Variants in LLGL2 observed in about 807,000 individuals in gnomAD.
The protein encoded by LLGL2 is LLGL2, scribble cell polarity complex component.
A neutral mutation model predicts 123.2 loss-of-function variants in LLGL2; 81 were observed. That is an observed-to-expected ratio of 0.66 (90% CI 0.55 to 0.79). LLGL2 has a LOEUF of 0.79. LLGL2 is among the 30% of genes least tolerant of loss of function. The probability of loss-of-function intolerance (pLI) is 0.00; values close to 1 mark genes in which losing one functional copy is unlikely to be tolerated. For synonymous variants in LLGL2, 577 were observed against 594.1 expected (o/e 0.97, Z 0.42); for missense variants, 1,273 against 1,414.6 (o/e 0.90, Z 1.61).
Position 75,575,024 on chromosome 17 carries a change from C to G in LLGL2, c.*146C>G. The G allele has an allele frequency of 8.6e-7, 1 of 1,159,908 alleles. No individual in the cohort carries two copies. The highest frequency in any genetic ancestry group is 2.4e-5 in the East Asian group (1 of 42,510). The allele number at this position is 1,159,908 out of a possible 1,614,324, so 71.9% of individuals were successfully genotyped here. Reference sequence around the variant, plus strand: ...CTTCCACAATGCAGCTGCTCTGGGCCTCGGGAGAGGAGAGACCCCAGTCCC... The same window carrying G: ...CTTCCACAATGCAGCTGCTCTGGGCGTCGGGAGAGGAGAGACCCCAGTCCC... On this transcript the variant is annotated 3_prime_UTR_variant, in exon 26 of 26. Transcript: ENST00000392550.
intron 1 of LLGL2, among the ~76,000 whole-genome samples, chr17:75,533,287 CCG>C (rs1478974068): frequency 2.7e-5 from 4 of 146,590 alleles, no homozygotes; most frequent in African/African-American, 5.1e-5. Context: ...GCGTGAGCCA[CCG>C]CACCTGGCCC....
intron 21 of LLGL2, 59 bp downstream of exon 21, chr17:75,573,690 G>A (rs893635048): frequency 1.4e-6 from 2 of 1,426,012 alleles, no homozygotes; most frequent in African/African-American, 2.0e-5. Flanking sequence ...CCCTCTCTGA[G>A]ATACCGAGGC....
upstream of LLGL2, among the ~76,000 whole-genome samples, chr17:75,525,519 G>C (rs936000381): frequency 2.0e-5 from 3 of 151,254 alleles, no homozygotes; most frequent in Admixed American, 1.3e-4. The surrounding 1 kb of genome is among the most constrained non-coding windows in gnomAD (Gnocchi z 4.8). Context: ...CCCCGAGGCC[G>C]TTCGCGAGGC....
chr17:75,539,849 T>G (rs1212508290), intron 1 of LLGL2, among the ~76,000 whole-genome samples: 2 of 152,122 alleles, frequency 1.3e-5, no homozygotes, highest in Non-Finnish European at 2.9e-5. Context: ...CCTCAAGTGA[T>G]CCACCCGCCT....
Position 75,558,237 on chromosome 17 carries a change from G to T in LLGL2, c.255+1G>T, listed in dbSNP as rs1478760399. On this transcript the variant is annotated splice_donor_variant, in intron 4 of 25. Transcript: ENST00000392550. LOFTEE classifies it high-confidence loss of function. This position sits in a 1 kb window ranked among gnomAD's most constrained non-coding sequence, Gnocchi z 4.0. Reference sequence around the variant, plus strand: ...GCAGATCCACCTCCTGCCCGGCCAGGTGAGGGACCTGGGGTGGGACAGGAA... The same window carrying T: ...GCAGATCCACCTCCTGCCCGGCCAGTTGAGGGACCTGGGGTGGGACAGGAA... 1.2e-6 allele frequency: 2 copies of T among 1,611,476 alleles called. No homozygotes were observed.
Position 75,570,948 on chromosome 17 carries a change from A to G in LLGL2, c.2026-2A>G, listed in dbSNP as rs2055679619. The G allele has an allele frequency of 1.2e-6, 2 of 1,605,294 alleles. No homozygotes were observed. Among genetic ancestry groups the G allele is most frequent in the East Asian group, 4.5e-5 (2 of 44,768 alleles). On this transcript the variant is annotated splice_acceptor_variant, in intron 16 of 25. Coordinates refer to ENST00000392550, the MANE Select transcript of LLGL2 (RefSeq NM_001031803.2). LOFTEE classifies it high-confidence loss of function. ...ACCCTTAGGCTGGCCCACCCCTTGC[A>G]GGCACAGGAGGGGAGTGCCAAGGCT...
intron 1 of LLGL2, chr17:75,538,547 C>T (rs1371311858): frequency 1.3e-5 from 2 of 152,142 alleles, no homozygotes; most frequent in African/African-American, 4.8e-5. Flanking sequence ...AGTGAGGACT[C>T]GCTGTGTGCA....
intron 6 of LLGL2, among the ~76,000 whole-genome samples, chr17:75,561,545 C>T (rs1026601049): frequency 1.3e-5 from 2 of 152,102 alleles, no homozygotes; most frequent in Non-Finnish European, 2.9e-5. Flanking sequence ...CACTTGAGCC[C>T]AGGAGTTGGA....
chr17:75,551,941 C>T (rs1180947628), intron 2 of LLGL2, among the ~76,000 whole-genome samples: 1 of 152,144 alleles, frequency 6.6e-6, no homozygotes, highest in African/African-American at 2.4e-5. Context: ...CCAGCCTGGC[C>T]AACATGGTGA....
At chr17:75,528,350 C>T (rs912646255) in intron 1 of LLGL2, among the ~76,000 whole-genome samples, 3 of 152,040 alleles carry the variant, frequency 2.0e-5, no homozygotes, top group African/African-American at 7.2e-5. Flanking sequence ...CTCCTGACCT[C>T]GTGATCTGCC....
chr17:75,537,625 G>A (rs543826446), intron 1 of LLGL2, among the ~76,000 whole-genome samples: 10 of 151,932 alleles, frequency 6.6e-5, no homozygotes, highest in South Asian at 6.3e-4. Flanking sequence ...TTGAACCTGG[G>A]AAACACAGTT....
intron 1 of LLGL2, among the ~76,000 whole-genome samples, chr17:75,532,861 C>T (rs561654185): frequency 1.3e-5 from 2 of 152,218 alleles, no homozygotes; most frequent in African/African-American, 4.8e-5. Context: ...TGGCCTTGGC[C>T]GGAGACTTGA....
chr17:75,573,087 G>A lies in LLGL2; in HGVS notation c.2534G>A (p.Arg845Gln), dbSNP rs533568617. The A allele has an allele frequency of 1.6e-5, 26 of 1,612,808 alleles. No individual in the cohort carries two copies. In the East Asian group the frequency reaches 2.9e-4, roughly 18 times the overall value. ...GCCCTGGAGGGCTCAAGAGTGCGGC[G>A]GGTCAGCGTGGCCCACTTCGGCAGT... ...LTALEGSRVR[R>Q]VSVAHFGSRR... Residue 845 changes from arginine (R) to glutamine (Q), a missense_variant, in exon 20 of 26, where the codon CGG (arginine) becomes CAG (glutamine). Coordinates refer to ENST00000392550, the MANE Select transcript of LLGL2 (RefSeq NM_001031803.2).
In LLGL2 at chr17:75,573,904, G is replaced by A. The variant is rs369566488; in HGVS notation, c.2877-48G>A. On this transcript the variant is annotated intron_variant, in intron 21 of 25. Coordinates refer to ENST00000392550, the MANE Select transcript of LLGL2 (RefSeq NM_001031803.2). ...TCATGGGACCAGGGCTCTCAGAGCC[G>A]GGCAGGGAGCCCGGGGGCCCTGGTC... 1.8e-5 allele frequency: 28 copies of A among 1,546,936 alleles called. No individual in the cohort carries two copies. The Middle Eastern group carries it at 1.8e-3, about 101-fold the overall frequency.
At chr17:75,562,799 AC>A (rs2055278203) in intron 6 of LLGL2, 3 of 588,588 alleles carry the variant, frequency 5.1e-6, no homozygotes, top group Middle Eastern at 4.6e-4. Context: ...CAAACTCCTG[AC>A]CTCAAGTGGC....
intron 2 of LLGL2, among the ~76,000 whole-genome samples, chr17:75,547,173 CG>C (rs1260968545): frequency 6.6e-6 from 1 of 152,082 alleles, no homozygotes; most frequent in Non-Finnish European, 1.5e-5. Context: ...GACATCGCCC[CG>C]GGGGTCCTGA....
chr17:75,567,200 T>C (rs977636465), intron 10 of LLGL2, among the ~76,000 whole-genome samples: 2 of 152,134 alleles, frequency 1.3e-5, no homozygotes, highest in Non-Finnish European at 2.9e-5. Flanking sequence ...GGGCAGTGGC[T>C]CAGCTGTAAT....
rs150379214 is a variant in LLGL2 at position 75,553,726 on chromosome 17, G to T, written c.76-2320G>T. ...CGGGGTGGGAGGCGGGGGTCAGATT[G>T]GGGTAACTGATTAAGAAACTGAACT... On this transcript the variant is annotated intron_variant, in intron 2 of 25. Coordinates refer to ENST00000392550, the MANE Select transcript of LLGL2 (RefSeq NM_001031803.2). 2.8e-3 allele frequency among the ~76,000 whole-genome samples: 419 copies of T among 152,240 alleles called. 3 individuals carry two copies. The highest frequency in any genetic ancestry group is 9.4e-3 in the African/African-American group (391 of 41,552).
At chr17:75,536,859 T>A (rs2054020930) in intron 1 of LLGL2, among the ~76,000 whole-genome samples, 1 of 152,156 alleles carries the variant, frequency 6.6e-6, no homozygotes, top group Non-Finnish European at 1.5e-5. Flanking sequence ...ATGGAGTCTT[T>A]CTCTGTCACC....
Sources: gnomAD v4.1 joint callset for allele counts (sites outside exome capture counted in the v4.1 genomes callset) on GRCh38, gnomAD v4.1.1 for gene constraint, Gnocchi (gnomAD v3.1) non-coding constraint, MANE v1.5 for transcripts, NCBI Gene and HGNC (gene_info 2026-07-23, HGNC 2026-07-21) for gene names.